The following NOL10 variants were observed in gnomAD, a reference collection of about 807,000 sequenced individuals.
NOL10 encodes the protein nucleolar protein 10.
In NOL10, 58 loss-of-function variants were observed where a neutral mutation model predicts 103.5. The observed-to-expected ratio is 0.56, with a 90% CI of 0.45 to 0.70. NOL10 has a LOEUF of 0.70. NOL10 is among the 30% of genes least tolerant of loss of function. The probability of loss-of-function intolerance (pLI) is 0.00; values close to 1 mark genes in which losing one functional copy is unlikely to be tolerated. For missense variants in NOL10, 763 were observed against 807.3 expected (o/e 0.95, Z 0.67); for synonymous variants, 287 against 282.5 (o/e 1.02, Z -0.16).
rs767964784 is a variant in NOL10, at chr2:10,644,309, G to C, written c.1026+11C>G. On this transcript the variant is annotated intron_variant, in intron 13 of 20. Coordinates refer to ENST00000381685, the MANE Select transcript of NOL10 (RefSeq NM_024894.4). Reference sequence around the variant, plus strand: ...CCTATTTTTACTGAAACTCCTCTTTGTATTACTTACTGGAATGTAATAGAT... The same window carrying C: ...CCTATTTTTACTGAAACTCCTCTTTCTATTACTTACTGGAATGTAATAGAT... The C allele has an allele frequency of 2.0e-5, 30 of 1,500,280 alleles. No individual in the cohort carries two copies. In the South Asian group the frequency reaches 3.8e-4, roughly 19 times the overall value. The allele number at this position is 1,500,280 out of a possible 1,614,324, so 92.9% of individuals were successfully genotyped here.
chr2:10,684,017 A>C (rs1681969083), intron 2 of NOL10, among the ~76,000 whole-genome samples: 1 of 152,082 alleles, frequency 6.6e-6, no homozygotes, highest in Non-Finnish European at 1.5e-5. Flanking sequence ...GGTGGCTCAC[A>C]CCTGTAATCC....
Position 10,580,536 on chromosome 2 carries a change from T to C in NOL10, c.1845-2798A>G, listed in dbSNP as rs186740923. On this transcript the variant is annotated intron_variant, in intron 19 of 20. Coordinates refer to ENST00000381685, the MANE Select transcript of NOL10 (RefSeq NM_024894.4). ...AACTTGTGATTGCTAAGAAAATAGATACAGGCTTTACAATGTTGAAAGTGG... is the reference window on the plus strand; with the variant it reads ...AACTTGTGATTGCTAAGAAAATAGACACAGGCTTTACAATGTTGAAAGTGG... 8.5e-4 allele frequency among the ~76,000 whole-genome samples: 130 copies of C among 152,250 alleles called. 1 individual carries two copies. In the East Asian group the frequency reaches 0.013, roughly 16 times the overall value.
chr2:10,616,423 T>C (rs1676839072), intron 13 of NOL10, among the ~76,000 whole-genome samples: 1 of 152,236 alleles, frequency 6.6e-6, no homozygotes, highest in Non-Finnish European at 1.5e-5. Flanking sequence ...TTTCACCATG[T>C]TGGCCAGGCT....
chr2:10,644,253 TA>T, intron 13 of NOL10, 66 bp downstream of exon 13: 1 of 1,225,546 alleles, frequency 8.2e-7, no homozygotes, highest in Non-Finnish European at 1.1e-6. Context: ...CTCAAAAAAT[TA>T]AATAAATAAT....
intron 17 of NOL10, among the ~76,000 whole-genome samples, chr2:10,595,603 TGTTTGTTTG>T (rs1558277602): frequency 0.015 from 1,452 of 94,222 alleles, 18 homozygotes; most frequent in Non-Finnish European, 0.027. Context: ...GTTTTGTTTT[TGTTTGTTTG>T]TTTGTTTTTT....
At chr2:10,607,072 G>A in intron 14 of NOL10, 113 bp downstream of exon 14, 1 of 563,982 alleles carries the variant, frequency 1.8e-6, no homozygotes, top group East Asian at 3.2e-5. Context: ...TGGCAGAAAG[G>A]GAAGATTTAG....
intron 13 of NOL10, among the ~76,000 whole-genome samples, chr2:10,614,148 C>T (rs1181556241): frequency 2.0e-5 from 3 of 152,092 alleles, no homozygotes; most frequent in Non-Finnish European, 2.9e-5. Flanking sequence ...TTAGTAGAGA[C>T]AGTGTTTCAC....
chr2:10,622,229 A>C (rs1295020675), intron 13 of NOL10: 1 of 464,202 alleles, frequency 2.2e-6, no homozygotes, highest in Non-Finnish European at 4.5e-6. Flanking sequence ...ACAAAACACT[A>C]TGCAACTATT....
intron 19 of NOL10, among the ~76,000 whole-genome samples, chr2:10,588,802 A>C (rs1426696493): frequency 6.6e-6 from 1 of 152,164 alleles, no homozygotes; most frequent in Non-Finnish European, 1.5e-5. Flanking sequence ...AAAAGTTGTG[A>C]CAAATAAGTA....
rs529358997 is a variant in NOL10, at chr2:10,587,408, C to T, written c.1844+1635G>A. ...GCCTCAGCCTCCTGAGTAGCTGGGA[C>T]TACAGGCACGTGCCGCCACACCCAG... On this transcript the variant is annotated intron_variant, in intron 19 of 20. Coordinates refer to ENST00000381685, the MANE Select transcript of NOL10 (RefSeq NM_024894.4). Among the ~76,000 whole-genome samples, 735 of 149,216 alleles carry T rather than the reference C, an allele frequency of 4.9e-3. 6 individuals carry two copies. Among genetic ancestry groups the T allele is most frequent in the Admixed American group, 0.01 (155 of 14,900 alleles).
intron 2 of NOL10, 40 bp downstream of exon 2, chr2:10,684,527 G>A (rs376845395): frequency 1.4e-6 from 2 of 1,476,916 alleles, no homozygotes; most frequent in Non-Finnish European, 1.9e-6. Context: ...TTAGAACATG[G>A]ATCACTAACG....
intron 13 of NOL10, among the ~76,000 whole-genome samples, chr2:10,633,382 A>T (rs1541574): frequency 0.59 from 89,003 of 151,244 alleles, 27,223 homozygotes; most frequent in African/African-American, 0.74. Flanking sequence ...TATCTAATAA[A>T]GCTTATGTAA....
intron 20 of NOL10, among the ~76,000 whole-genome samples, chr2:10,576,603 G>A (rs1278239310): frequency 6.6e-6 from 1 of 152,218 alleles, no homozygotes; most frequent in African/African-American, 2.4e-5. Context: ...AGTGAAAGAA[G>A]CCAGCTATGA....
At chr2:10,675,121 T>C (rs1681213625) in intron 4 of NOL10, among the ~76,000 whole-genome samples, 1 of 152,086 alleles carries the variant, frequency 6.6e-6, no homozygotes, top group African/African-American at 2.4e-5. Context: ...GAGGATCACT[T>C]GAGCCCAGGA....
chr2:10,682,135 A>G (rs543584534), intron 2 of NOL10, 66 bp from the exon 3 acceptor site: 25 of 622,666 alleles, frequency 4.0e-5, no homozygotes, highest in African/African-American at 3.6e-4. Context: ...TAAGAAGACA[A>G]ATGGGTACCA....
At chr2:10,686,127 C>T (rs550655631) in intron 1 of NOL10, among the ~76,000 whole-genome samples, 2 of 151,864 alleles carry the variant, frequency 1.3e-5, no homozygotes, top group East Asian at 1.9e-4. Context: ...AGTGAGGGAA[C>T]ACCAACAAAT....
chr2:10,632,239 C>T (rs530675901), intron 13 of NOL10, among the ~76,000 whole-genome samples: 1 of 152,132 alleles, frequency 6.6e-6, no homozygotes, highest in African/African-American at 2.4e-5. Flanking sequence ...CAAAATGACG[C>T]CCCTGCATTC....
intron 10 of NOL10, among the ~76,000 whole-genome samples, chr2:10,658,514 T>G (rs1271800097): frequency 6.6e-6 from 1 of 152,124 alleles, no homozygotes; most frequent in East Asian, 1.9e-4. Flanking sequence ...AGACTAGCAC[T>G]GCTAATGCAT....
In NOL10 at chr2:10,571,074, T is replaced by A. The variant is rs1216609526; in HGVS notation, c.*997A>T. ...CTCTAATGAGCATTTTCCTCCAATG[T>A]CATGTCAGTGCTTGATATGGTTTTG... On this transcript the variant is annotated 3_prime_UTR_variant, in exon 21 of 21. Transcript: ENST00000381685. 1 of 152,232 alleles carries A rather than the reference T, an allele frequency of 6.6e-6. No individual in the cohort carries two copies. The highest frequency in any genetic ancestry group is 2.4e-5 in the African/African-American group (1 of 41,460). 9.4% of individuals were successfully genotyped at this position (152,232 alleles called of 1,614,324 possible).
Sources: allele counts gnomAD v4.1 joint callset (sites outside exome capture counted in the v4.1 genomes callset), GRCh38; gene constraint gnomAD v4.1.1; transcripts MANE v1.5; gene names NCBI Gene and HGNC (gene_info 2026-07-23, HGNC 2026-07-21).